The following TIRAP variants were observed in gnomAD, a reference collection of about 807,000 sequenced individuals.
TIRAP encodes toll/interleukin-1 receptor domain-containing adapter protein.
In TIRAP, 20 loss-of-function variants were observed where a neutral mutation model predicts 19.8. That is an observed-to-expected ratio of 1.01 (90% CI 0.71 to 1.47). The LOEUF (loss-of-function observed/expected upper bound fraction) is 1.47. Ranked by LOEUF, TIRAP falls within the 40% of genes most tolerant of loss-of-function variation. The pLI, the probability that TIRAP is intolerant of heterozygous loss-of-function variation, is 0.00. For missense variants in TIRAP, 276 were observed against 285.1 expected (o/e 0.97, Z 0.23); for synonymous variants, 125 against 121.7 (o/e 1.03, Z -0.18).
rs1951352648 is a variant in TIRAP, at chr11:126,288,983, C to T, written c.-216-1479C>T. ...GCATCCTGAACGGCCCTAGCTGCAG[C>T]CTACCACTTAGGCTGTCTGAAATCC... On this transcript the variant is annotated intron_variant, in intron 1 of 4. Coordinates refer to ENST00000392679, the MANE Select transcript of TIRAP (RefSeq NM_001318777.2). This position sits in a 1 kb window ranked among gnomAD's most constrained non-coding sequence, Gnocchi z 5.0. Among the ~76,000 whole-genome samples, 1 of 152,192 alleles carries T rather than the reference C, an allele frequency of 6.6e-6. No individual in the cohort carries two copies. The highest frequency in any genetic ancestry group is 1.5e-5 in the Non-Finnish European group (1 of 68,032).
intron 1 of TIRAP, among the ~76,000 whole-genome samples, chr11:126,283,663 C>T (rs1951282336): frequency 6.6e-6 from 1 of 152,200 alleles, no homozygotes; most frequent in Admixed American, 6.5e-5. Flanking sequence ...ACTAGGGTGA[C>T]CGCGGTGGAC....
Position 126,292,785 on chromosome 11 carries a change from G to A in TIRAP, c.376G>A (p.Gly126Ser). ...CCTGCAACTCCGGGATGCAACCCCA[G>A]GCGGCGCTATAGTGTCCGAGCTGTG... ...CFLQLRDATPGGAIVSELCQA... is the reference protein window; with the variant it reads ...CFLQLRDATPSGAIVSELCQA... The change falls in exon 4 of 5, where the codon GGC (glycine) becomes AGC (serine). Residue 126 changes from glycine to serine, a missense_variant. Gly to Ser is a moderately conservative substitution (Grantham distance 56). Transcript: ENST00000392679. 2.5e-6 allele frequency: 4 copies of A among 1,613,114 alleles called. No individual in the cohort carries two copies. Among genetic ancestry groups the A allele is most frequent in the Non-Finnish European group, 3.4e-6 (4 of 1,179,762 alleles).
Position 126,292,572 on chromosome 11 carries a change from A to T in TIRAP, c.163A>T (p.Ser55Cys), listed in dbSNP as rs1464770647. ...SDASQPTSQDSPLPPSLSSVT... is the reference protein window; with the variant it reads ...SDASQPTSQDCPLPPSLSSVT... ...TGCTTCACAGCCTACCTCACAGGAC[A>T]GCCCACTACCCCCAAGCCTCAGCTC... is the stretch of plus-strand genomic sequence containing the variant. Residue 55 changes from serine (S) to cysteine (C), a missense_variant, in exon 4 of 5, where the codon AGC (serine) becomes TGC (cysteine). Coordinates refer to ENST00000392679, the MANE Select transcript of TIRAP (RefSeq NM_001318777.2). 1.9e-6 allele frequency: 3 copies of T among 1,614,180 alleles called. No homozygotes were observed. The Admixed American group carries it at 5.0e-5, about 27-fold the overall frequency.
Position 126,287,477 on chromosome 11 carries a change from C to T in TIRAP, c.-216-2985C>T, listed in dbSNP as rs573609407. On this transcript the variant is annotated intron_variant, in intron 1 of 4. Coordinates refer to ENST00000392679, the MANE Select transcript of TIRAP (RefSeq NM_001318777.2). This position sits in a 1 kb window ranked among gnomAD's most constrained non-coding sequence, Gnocchi z 4.2. ...CTGGGATTACAGGCACGCACCACCA[C>T]GCTTAGCTAATTTTTGTATTTTTAG... Among the ~76,000 whole-genome samples, 44 of 151,934 alleles carry T rather than the reference C, an allele frequency of 2.9e-4. No individual in the cohort carries two copies. Among genetic ancestry groups the T allele is most frequent in the African/African-American group, 9.9e-4 (41 of 41,392 alleles).
In TIRAP at chr11:126,290,802, G is replaced by A; in HGVS notation, c.-92-1G>A. 6.6e-7 allele frequency: 1 copy of A among 1,516,100 alleles called. No individual in the cohort carries two copies. The highest frequency in any genetic ancestry group is 1.3e-5 in the South Asian group (1 of 79,088). 93.9% of individuals were successfully genotyped at this position (1,516,100 alleles called of 1,614,324 possible). A position where few individuals can be genotyped will look rare whatever the true frequency, so the allele number is the denominator to read the frequency against. The stretch of plus-strand genomic sequence containing the variant: ...TGATTCTCTCTCTCTACCCTCTGTA[G>A]GATGGCTGCTCCATGAGGTCAAGAC... On this transcript the variant is annotated splice_acceptor_variant, in intron 2 of 4. Coordinates refer to ENST00000392679, the MANE Select transcript of TIRAP (RefSeq NM_001318777.2). LOFTEE classifies it low-confidence loss of function (5UTR_SPLICE). This position sits in a 1 kb window ranked among gnomAD's most constrained non-coding sequence, Gnocchi z 4.9.
chr11:126,292,545 G>A lies in TIRAP; in HGVS notation c.136G>A (p.Asp46Asn), dbSNP rs1215711204. ...RPNSPESTSS[D>N]ASQPTSQDSP... The stretch of plus-strand genomic sequence containing the variant: ...CAACTCCCCAGAAAGCACCTCCAGC[G>A]ATGCTTCACAGCCTACCTCACAGGA... The change falls in exon 4 of 5, where the codon GAT (aspartate) becomes AAT (asparagine). Residue 46 changes from aspartate (D) to asparagine (N), a missense_variant. Coordinates refer to ENST00000392679, the MANE Select transcript of TIRAP (RefSeq NM_001318777.2). The A allele has an allele frequency of 9.3e-6, 15 of 1,613,964 alleles. No homozygotes were observed. The highest frequency in any genetic ancestry group is 6.7e-5 in the Admixed American group (4 of 59,968).
At chr11:126,284,869 A>T (rs1178890772) in intron 1 of TIRAP, among the ~76,000 whole-genome samples, 5 of 149,764 alleles carry the variant, frequency 3.3e-5, no homozygotes, top group South Asian at 2.1e-4. Context: ...AAAAAAAAAA[A>T]ATATGTAAGC....
intron 1 of TIRAP, among the ~76,000 whole-genome samples, chr11:126,283,975 A>G (rs3017014): frequency 0.21 from 31,339 of 151,830 alleles, 4,307 homozygotes; most frequent in East Asian, 0.64. Context: ...TTCTAACGCC[A>G]TAAAATAGGT....
At chr11:126,286,550 G>A (rs766822547) in intron 1 of TIRAP, among the ~76,000 whole-genome samples, 2 of 152,186 alleles carry the variant, frequency 1.3e-5, no homozygotes, top group Admixed American at 6.5e-5. Context: ...CTACCCAAAC[G>A]TTTTAGCAAG....
At position 126,294,414 on chromosome 11, in the gene TIRAP, G is replaced by C. The variant is rs1951447362; in HGVS notation, c.*727G>C. On this transcript the variant is annotated 3_prime_UTR_variant, in exon 5 of 5. Coordinates refer to ENST00000392679, the MANE Select transcript of TIRAP (RefSeq NM_001318777.2). ...GAATATGGGGGTGGGGTGGTGGAGGGAGCAAGTGAAGAGATGGGAATCCAG... is the reference window on the plus strand; with the variant it reads ...GAATATGGGGGTGGGGTGGTGGAGGCAGCAAGTGAAGAGATGGGAATCCAG... 1 of 426,868 alleles carries C rather than the reference G, an allele frequency of 2.3e-6. No individual in the cohort carries two copies. The highest frequency in any genetic ancestry group is 2.0e-5 in the African/African-American group (1 of 49,174). The allele number at this position is 426,868 out of a possible 1,614,324, so 26.4% of individuals were successfully genotyped here.
chr11:126,284,687 C>G (rs190517969), intron 1 of TIRAP, among the ~76,000 whole-genome samples: 2 of 152,006 alleles, frequency 1.3e-5, no homozygotes, highest in African/African-American at 4.8e-5. Flanking sequence ...AACCCCGTCT[C>G]TACTAAAAAT....
At chr11:126,292,333 G>C (rs944122181) in intron 3 of TIRAP, 144 bp from the exon 4 acceptor site, 2 of 765,726 alleles carry the variant, frequency 2.6e-6, no homozygotes, top group Non-Finnish European at 4.1e-6. Context: ...TGGAGCAACA[G>C]GTCTCTGAGA....
Position 126,292,829 on chromosome 11 carries a change from T to C in TIRAP, c.420T>C (p.Ser140=). The C allele has an allele frequency of 6.2e-7, 1 of 1,612,842 alleles. No individual in the cohort carries two copies. The highest frequency in any genetic ancestry group is 8.5e-7 in the Non-Finnish European group (1 of 1,179,900). ...AGCTGTGCCAGGCACTGAGCAGTAGTCACTGCCGGGTGCTGCTCATCACGC... is the reference window on the plus strand; with the variant it reads ...AGCTGTGCCAGGCACTGAGCAGTAGCCACTGCCGGGTGCTGCTCATCACGC... ...VSELCQALSS[S]HCRVLLITPG... Residue 140 remains serine, a synonymous_variant, in exon 4 of 5, where the codon AGT becomes AGC. Coordinates refer to ENST00000392679, the MANE Select transcript of TIRAP (RefSeq NM_001318777.2).
intron 1 of TIRAP, among the ~76,000 whole-genome samples, chr11:126,286,106 T>C (rs1367002309): frequency 6.9e-6 from 1 of 144,228 alleles, no homozygotes; most frequent in Non-Finnish European, 1.5e-5. Context: ...CATGCCTGTA[T>C]GTAATCCCAG....
Position 126,293,688 on chromosome 11 carries a change from C to T in TIRAP, c.*1C>T, listed in dbSNP as rs564069013. On this transcript the variant is annotated 3_prime_UTR_variant, in exon 5 of 5. Transcript: ENST00000392679. The stretch of plus-strand genomic sequence containing the variant: ...TTCAGATCTGCAGACACTCAGTTGA[C>T]ACTTGTTATATCATGGGACCCCGGA... The T allele has an allele frequency of 6.2e-6, 10 of 1,614,172 alleles. No individual in the cohort carries two copies. The Admixed American group carries it at 1.7e-4, about 27-fold the overall frequency.
rs1219172900 is a variant in TIRAP at position 126,292,526 on chromosome 11, C to A, written c.117C>A (p.Ser39=). The A allele has an allele frequency of 6.2e-7, 1 of 1,614,022 alleles. No homozygotes were observed. The highest frequency in any genetic ancestry group is 8.5e-7 in the Non-Finnish European group (1 of 1,179,992). ...LLKKPKKRPN[S]PESTSSDASQ... is the part of the protein sequence containing the mutation. ...AGAAGCCCAAGAAGAGGCCCAACTC[C>A]CCAGAAAGCACCTCCAGCGATGCTT... The change falls in exon 4 of 5, where the codon TCC becomes TCA. Residue 39 remains serine (S), a synonymous_variant. Transcript: ENST00000392679.
At chr11:126,283,256 C>T in intron 1 of TIRAP, 103 bp downstream of exon 1, 1 of 651,190 alleles carries the variant, frequency 1.5e-6, no homozygotes, top group Non-Finnish European at 1.9e-6. Context: ...CCGGCCCCAC[C>T]GAGAGCCGCA....
In TIRAP at chr11:126,290,571, C is replaced by T. The variant is rs8177368; in HGVS notation, c.-107C>T. On this transcript the variant is annotated 5_prime_UTR_variant, in exon 2 of 5. Transcript: ENST00000392679. The surrounding 1 kb of genome is among the most constrained non-coding windows in gnomAD (Gnocchi z 4.9). ...GAGAACAGTTCCTCAGCTGGTCATGCTGAGCTCATACCCTGTAAGTCTGAC... is the reference window on the plus strand; with the variant it reads ...GAGAACAGTTCCTCAGCTGGTCATGTTGAGCTCATACCCTGTAAGTCTGAC... 3.3e-3 allele frequency: 3,537 copies of T among 1,071,048 alleles called. 64 individuals are homozygous for T. The African/African-American group carries it at 0.042, about 13-fold the overall frequency. The allele number at this position is 1,071,048 out of a possible 1,614,324, so 66.3% of individuals were successfully genotyped here. A position where few individuals can be genotyped will look rare whatever the true frequency, so the allele number is the denominator to read the frequency against.
chr11:126,294,521 A>G lies in TIRAP; in HGVS notation c.*834A>G. 1 of 456,314 alleles carries G rather than the reference A, an allele frequency of 2.2e-6. No individual in the cohort carries two copies. The highest frequency in any genetic ancestry group is 1.5e-5 in the South Asian group (1 of 64,572). The allele number at this position is 456,314 out of a possible 1,614,324, so 28.3% of individuals were successfully genotyped here. On this transcript the variant is annotated 3_prime_UTR_variant, in exon 5 of 5. Transcript: ENST00000392679. ...TGGGAGCTTCATCAGTGGTCTGGCT[A>G]AAGCTGATACTTTCACAGTCACCAT...
Sources: gnomAD v4.1 joint callset for allele counts (sites outside exome capture counted in the v4.1 genomes callset) on GRCh38, gnomAD v4.1.1 for gene constraint, Gnocchi (gnomAD v3.1) non-coding constraint, MANE v1.5 for transcripts, NCBI Gene and HGNC (gene_info 2026-07-23, HGNC 2026-07-21) for gene names.